TCF12: variants seen among roughly 807,000 people sequenced by gnomAD.
TCF12 encodes the protein DNA-binding protein HTF4.
TCF12 carries 45 observed loss-of-function variants against 86.0 expected under a neutral mutation model. That is an observed-to-expected ratio of 0.52 (90% CI 0.41 to 0.67). TCF12 has a LOEUF of 0.67. Ranked by LOEUF, TCF12 falls within the 30% of genes least tolerant of loss-of-function variation. The pLI is 0.00. For synonymous variants in TCF12, 330 were observed against 299.6 expected (o/e 1.10, Z -1.05); for missense variants, 881 against 859.9 (o/e 1.02, Z -0.31).
At chr15:57,193,193 A>G (rs549694473) in intron 7 of TCF12, among the ~76,000 whole-genome samples, 40 of 152,294 alleles carry the variant, frequency 2.6e-4, no homozygotes, top group African/African-American at 9.1e-4. Flanking sequence ...TTAGGATAAA[A>G]TTTTAAGATT....
intron 6 of TCF12, among the ~76,000 whole-genome samples, chr15:57,173,642 A>C (rs2055689445): frequency 6.6e-6 from 1 of 152,122 alleles, no homozygotes; most frequent in Non-Finnish European, 1.5e-5. Context: ...TAAATAAATG[A>C]ATTCCTTGAA....
At chr15:57,170,450 A>G (rs778468420) in intron 6 of TCF12, among the ~76,000 whole-genome samples, 1 of 150,124 alleles carries the variant, frequency 6.7e-6, no homozygotes, top group African/African-American at 2.5e-5. Context: ...GCTTCCACCT[A>G]TGTAGTAGGT....
chr15:57,094,004 C>T (rs1311321218), intron 5 of TCF12, among the ~76,000 whole-genome samples: 4 of 152,146 alleles, frequency 2.6e-5, no homozygotes, highest in East Asian at 1.9e-4. Flanking sequence ...CAGCCTTGAA[C>T]TCCTGAGCTC....
intron 4 of TCF12, among the ~76,000 whole-genome samples, chr15:57,085,078 A>G (rs16977236): frequency 0.018 from 2,724 of 152,252 alleles, 89 homozygotes; most frequent in African/African-American, 0.058. Flanking sequence ...AGGCCAGTTC[A>G]AGACTCGCTC....
rs763328415 is a variant in TCF12, at chr15:57,262,124, C to T, written c.1498C>T (p.Leu500Phe). The change falls in exon 17 of 21, where the codon CTC becomes TTC. Residue 500 changes from leucine to phenylalanine, a missense_variant. By Grantham distance (22) the Leu-to-Phe change is conservative. Transcript: ENST00000333725. ...AACTCATCGGGAAGACTCTGTCAGT[C>T]TCAATGGCAATCATTCAGTCCTGTC... ...VGTHREDSVS[L>F]NGNHSVLSST... 9.9e-6 allele frequency: 16 copies of T among 1,613,452 alleles called. No homozygotes were observed. Among genetic ancestry groups the T allele is most frequent in the Non-Finnish European group, 1.3e-5 (15 of 1,179,610 alleles).
chr15:57,213,869 G>A (rs1405382676), intron 8 of TCF12, among the ~76,000 whole-genome samples: 1 of 152,118 alleles, frequency 6.6e-6, no homozygotes, highest in East Asian at 1.9e-4. Flanking sequence ...ATAGCGCAAA[G>A]CCTTGTGTCA....
At chr15:57,204,200 C>T (rs2057699158) in intron 8 of TCF12, among the ~76,000 whole-genome samples, 1 of 152,076 alleles carries the variant, frequency 6.6e-6, no homozygotes, top group African/African-American at 2.4e-5. Flanking sequence ...CTTTGGGAGG[C>T]CAAGGTGGGA....
intron 5 of TCF12, among the ~76,000 whole-genome samples, chr15:57,165,045 T>G (rs1237598870): frequency 6.6e-6 from 1 of 152,100 alleles, no homozygotes; most frequent in Non-Finnish European, 1.5e-5. Context: ...CTGAGAATAA[T>G]AAGGCAATCA....
chr15:56,993,096 T>G (rs560368827), intron 3 of TCF12, among the ~76,000 whole-genome samples: 2 of 152,306 alleles, frequency 1.3e-5, no homozygotes, highest in South Asian at 4.1e-4. Context: ...TTTACCATTT[T>G]TTTTTTCTTC....
At chr15:57,093,488 T>A (rs144864071) in intron 5 of TCF12, among the ~76,000 whole-genome samples, 1 of 152,200 alleles carries the variant, frequency 6.6e-6, no homozygotes. Flanking sequence ...TCTTCACTCA[T>A]AGAGATGACT....
rs575133838 is a variant in TCF12, at chr15:57,008,682, A to G, written c.149-55068A>G. Among the ~76,000 whole-genome samples the G allele has an allele frequency of 3.3e-5, 5 of 152,320 alleles. No individual in the cohort carries two copies. In the South Asian group the frequency reaches 1.0e-3, roughly 32 times the overall value. On this transcript the variant is annotated intron_variant, in intron 3 of 20. Coordinates refer to ENST00000333725, the MANE Select transcript of TCF12 (RefSeq NM_207037.2). ...TTACAGGTAGAGATTACAGAGGGAA[A>G]CAAAAGTTTTCATCTCTACAGTCAT... is the stretch of plus-strand genomic sequence containing the variant.
At chr15:57,218,009 A>G (rs1393373140) in intron 8 of TCF12, among the ~76,000 whole-genome samples, 2 of 152,016 alleles carry the variant, frequency 1.3e-5, no homozygotes, top group African/African-American at 2.4e-5. Context: ...GAGTGTGGGG[A>G]GGTTTTATTG....
chr15:57,020,586 T>C (rs1399728556), intron 3 of TCF12, among the ~76,000 whole-genome samples: 1 of 152,202 alleles, frequency 6.6e-6, no homozygotes, highest in Non-Finnish European at 1.5e-5. Flanking sequence ...ACAAGCAATG[T>C]AGAGAACCAT....
intron 3 of TCF12, among the ~76,000 whole-genome samples, chr15:56,987,434 G>T (rs1318328614): frequency 6.6e-6 from 1 of 152,002 alleles, no homozygotes; most frequent in African/African-American, 2.4e-5. Flanking sequence ...ACTTTTAAAT[G>T]TTACTAACAG....
chr15:57,060,729 T>C (rs2068400795), intron 3 of TCF12, among the ~76,000 whole-genome samples: 1 of 152,220 alleles, frequency 6.6e-6, no homozygotes, highest in African/African-American at 2.4e-5. Flanking sequence ...TGTGGTGTAT[T>C]TTCTTGTCAA....
At chr15:57,221,501 C>T (rs189737707) in intron 8 of TCF12, among the ~76,000 whole-genome samples, 1 of 149,712 alleles carries the variant, frequency 6.7e-6, no homozygotes, top group South Asian at 2.1e-4. Context: ...TTGGAAAGCA[C>T]AGGTTACTGT....
chr15:56,978,878 ATTTTCT>A (rs2062749510), intron 3 of TCF12, among the ~76,000 whole-genome samples: 2 of 152,064 alleles, frequency 1.3e-5, no homozygotes, highest in South Asian at 4.1e-4. Flanking sequence ...ATGATGGGAA[ATTTTCT>A]TTTTAATTTG....
intron 6 of TCF12, among the ~76,000 whole-genome samples, chr15:57,170,366 GT>G (rs1385825544): frequency 4.0e-5 from 6 of 151,370 alleles, no homozygotes; most frequent in Non-Finnish European, 7.4e-5. Context: ...GGGATGTAAG[GT>G]TTAGAGTCAA....
At chr15:57,211,043 G>A (rs1167199336) in intron 8 of TCF12, among the ~76,000 whole-genome samples, 1 of 152,218 alleles carries the variant, frequency 6.6e-6, no homozygotes, top group South Asian at 2.1e-4. Context: ...ATCCCTGGAG[G>A]AGATTGTATA....
Sources: gnomAD v4.1 joint callset for allele counts (sites outside exome capture counted in the v4.1 genomes callset) on GRCh38, gnomAD v4.1.1 for gene constraint, MANE v1.5 for transcripts, NCBI Gene and HGNC (gene_info 2026-07-23, HGNC 2026-07-21) for gene names.